The following SYNPR variants were observed in gnomAD, a reference collection of about 807,000 sequenced individuals.
The protein encoded by SYNPR is synaptoporin.
SYNPR carries 23 observed loss-of-function variants against 32.9 expected under a neutral mutation model. The observed-to-expected ratio is 0.70, with a 90% CI of 0.50 to 0.99. The LOEUF (loss-of-function observed/expected upper bound fraction) is 0.99, where lower values mean the gene tolerates loss of function less well. Ranked by LOEUF, SYNPR falls within the 50% of genes least tolerant of loss-of-function variation. The pLI is 0.00. For synonymous variants in SYNPR, 146 were observed against 135.9 expected (o/e 1.07, Z -0.52); for missense variants, 318 against 349.3 (o/e 0.91, Z 0.71).
chr3:63,467,155 C>T (rs1039102491), intron 2 of SYNPR, among the ~76,000 whole-genome samples: 3 of 152,070 alleles, frequency 2.0e-5, no homozygotes, highest in African/African-American at 4.8e-5. Context: ...GGACTACAGG[C>T]GCATGCCACC....
chr3:63,222,257 T>C, the SYNPR span, among the ~76,000 whole-genome samples: 2 of 152,070 alleles, frequency 1.3e-5, no homozygotes, highest in African/African-American at 4.8e-5. Flanking sequence ...AAAACCCTGA[T>C]ATAAAGGTGA....
chr3:63,306,525 T>G (rs1307558013), intron 2 of SYNPR, among the ~76,000 whole-genome samples: 1 of 133,216 alleles, frequency 7.5e-6, no homozygotes, highest in East Asian at 2.1e-4. Context: ...TCTATCAGAT[T>G]TACCAGTGAT....
chr3:63,547,857 T>C (rs1432999638), intron 3 of SYNPR, among the ~76,000 whole-genome samples: 2 of 152,168 alleles, frequency 1.3e-5, no homozygotes, highest in Admixed American at 6.6e-5. Flanking sequence ...AACTTAATAG[T>C]AATCACTTGA....
intron 3 of SYNPR, among the ~76,000 whole-genome samples, chr3:63,516,525 A>ACCATTATACAG (rs976566838): frequency 1.3e-5 from 2 of 152,174 alleles, no homozygotes; most frequent in African/African-American, 4.8e-5. Context: ...ATGCTCCTTG[A>ACCATTATACAG]CCATTATACA....
chr3:63,320,383 A>G (rs1396101698), intron 2 of SYNPR, among the ~76,000 whole-genome samples: 1 of 152,106 alleles, frequency 6.6e-6, no homozygotes, highest in East Asian at 1.9e-4. Context: ...TATGGCCACC[A>G]TATCTTTTGA....
At chr3:63,238,459 T>C (rs1370558228) in intron 1 of SYNPR, among the ~76,000 whole-genome samples, 1 of 151,984 alleles carries the variant, frequency 6.6e-6, no homozygotes, top group Non-Finnish European at 1.5e-5. Context: ...CACCCTCTAC[T>C]CTCCGCGTCC....
intron 2 of SYNPR, among the ~76,000 whole-genome samples, chr3:63,264,107 G>A (rs925266132): frequency 3.3e-5 from 5 of 152,112 alleles, no homozygotes; most frequent in Non-Finnish European, 5.9e-5. Flanking sequence ...CCCAGGCTCC[G>A]GTGATTCTGC....
At chr3:63,354,830 A>G (rs2087554135) in intron 2 of SYNPR, among the ~76,000 whole-genome samples, 1 of 152,198 alleles carries the variant, frequency 6.6e-6, no homozygotes, top group South Asian at 2.1e-4. Context: ...TGAGCTACTG[A>G]CATGCATCTT....
At chr3:63,551,532 T>C (rs920828783) in intron 3 of SYNPR, among the ~76,000 whole-genome samples, 3 of 152,172 alleles carry the variant, frequency 2.0e-5, no homozygotes, top group African/African-American at 7.2e-5. Flanking sequence ...CATTTTACAT[T>C]CTCCCCAGCA....
chr3:63,505,716 C>T (rs561756608), intron 3 of SYNPR, among the ~76,000 whole-genome samples: 3 of 152,246 alleles, frequency 2.0e-5, no homozygotes, highest in Admixed American at 6.5e-5. Context: ...TATTTTATTC[C>T]TTTCACCCTA....
At chr3:63,360,140 T>A (rs1026673754) in intron 2 of SYNPR, among the ~76,000 whole-genome samples, 3 of 152,200 alleles carry the variant, frequency 2.0e-5, no homozygotes, top group African/African-American at 7.2e-5. Context: ...TATGTAATTA[T>A]CTCTCCAAAC....
chr3:63,486,055 T>C (rs900905638), intron 3 of SYNPR, among the ~76,000 whole-genome samples: 2 of 152,188 alleles, frequency 1.3e-5, no homozygotes, highest in Non-Finnish European at 2.9e-5. Flanking sequence ...ATTACAGATG[T>C]GCACCACCAT....
chr3:63,225,895 A>G (rs2106869276), upstream of SYNPR, among the ~76,000 whole-genome samples: 1 of 152,264 alleles, frequency 6.6e-6, no homozygotes, highest in East Asian at 1.9e-4. Flanking sequence ...AATATTTGCA[A>G]ACTATTAATA....
At chr3:63,615,199 T>A (rs555048147) in intron 5 of SYNPR, 25 bp from the exon 6 acceptor site, 2 of 1,608,784 alleles carry the variant, frequency 1.2e-6, no homozygotes, top group African/African-American at 1.3e-5. Context: ...AGTCTATCAA[T>A]TCATTGGCTT....
chr3:63,452,197 C>T lies in SYNPR; in HGVS notation c.85-28635C>T, dbSNP rs189143309. 2,119 of 630,980 alleles carry T rather than the reference C, an allele frequency of 3.4e-3. 10 individuals carry two copies. Among genetic ancestry groups the T allele is most frequent in the Non-Finnish European group, 5.1e-3 (1,741 of 344,582 alleles). 39.1% of individuals were successfully genotyped at this position (630,980 alleles called of 1,614,324 possible). On this transcript the variant is annotated intron_variant, in intron 2 of 5. Coordinates refer to ENST00000478300, the MANE Select transcript of SYNPR (RefSeq NM_001130003.2). ...GTGCATTCTATGTAATACTGAGCAG[C>T]CACTGGGTGCCGGGTTAAGATTTGG...
chr3:63,458,293 A>G (rs1231014764), intron 2 of SYNPR, among the ~76,000 whole-genome samples: 2 of 152,100 alleles, frequency 1.3e-5, no homozygotes, highest in East Asian at 1.9e-4. Context: ...AATGGCTTAA[A>G]ACTACATTAT....
chr3:63,301,556 A>C (rs1424681087), intron 2 of SYNPR, among the ~76,000 whole-genome samples: 1 of 152,058 alleles, frequency 6.6e-6, no homozygotes, highest in Non-Finnish European at 1.5e-5. Context: ...TGAAAAATCT[A>C]TTTTGGACTG....
chr3:63,413,069 A>T (rs1293072476), intron 2 of SYNPR, among the ~76,000 whole-genome samples: 1 of 152,200 alleles, frequency 6.6e-6, no homozygotes, highest in Non-Finnish European at 1.5e-5. Flanking sequence ...AAAATACACA[A>T]ATCAGTGTAC....
At chr3:63,325,285 T>C (rs569891213) in intron 2 of SYNPR, among the ~76,000 whole-genome samples, 1 of 152,244 alleles carries the variant, frequency 6.6e-6, no homozygotes, top group East Asian at 1.9e-4. Flanking sequence ...TCACATGTAA[T>C]AGGTATGAAT....
Sources: gnomAD v4.1 joint callset for allele counts (sites outside exome capture counted in the v4.1 genomes callset) on GRCh38, gnomAD v4.1.1 for gene constraint, MANE v1.5 for transcripts, NCBI Gene and HGNC (gene_info 2026-07-23, HGNC 2026-07-21) for gene names.